Variants in GRAMD2B observed in about 807,000 individuals in gnomAD.
GRAMD2B encodes the protein GRAM domain containing 2B.
In GRAMD2B, 41 loss-of-function variants were observed where a neutral mutation model predicts 59.2. That is an observed-to-expected ratio of 0.69 (90% CI 0.54 to 0.90). GRAMD2B has a LOEUF of 0.90. Among genes scored for constraint, GRAMD2B ranks in the 40% least tolerant of loss-of-function variants. GRAMD2B has a pLI of 0.00. For synonymous variants in GRAMD2B, 161 were observed against 182.7 expected, an observed-to-expected ratio of 0.88 and a Z score of 0.96; for missense variants, 424 against 500.5, an observed-to-expected ratio of 0.85 and a Z score of 1.46.
intron 1 of GRAMD2B, among the ~76,000 whole-genome samples, chr5:126,447,619 G>A (rs1320686524): frequency 2.3e-4 from 35 of 149,784 alleles, no homozygotes; most frequent in East Asian, 7.9e-4. Context: ...AGCCGAGATC[G>A]TGCCACTGCA....
intron 1 of GRAMD2B, among the ~76,000 whole-genome samples, chr5:126,362,231 C>T (rs961597984): frequency 2.6e-5 from 4 of 152,318 alleles, no homozygotes; most frequent in Middle Eastern, 3.4e-3. Context: ...AGCATCATTT[C>T]AGTCACCTCT....
chr5:126,366,134 T>G (rs1754427026), intron 1 of GRAMD2B, among the ~76,000 whole-genome samples: 1 of 152,220 alleles, frequency 6.6e-6, no homozygotes, highest in South Asian at 2.1e-4. Context: ...CTCAAAGGGT[T>G]CACAACTTTG....
intron 6 of GRAMD2B, among the ~76,000 whole-genome samples, chr5:126,479,273 C>T (rs1206213526): frequency 6.6e-6 from 1 of 151,968 alleles, no homozygotes; most frequent in Non-Finnish European, 1.5e-5. Flanking sequence ...TTCCTGGGCT[C>T]AAGTGATCCT....
At chr5:126,400,133 T>G (rs1561480722) in intron 1 of GRAMD2B, among the ~76,000 whole-genome samples, 2 of 152,040 alleles carry the variant, frequency 1.3e-5, no homozygotes, top group African/African-American at 2.4e-5. Flanking sequence ...AGGTTTTTCT[T>G]AGATTTAAAG....
chr5:126,464,631 A>G (rs918415570), intron 1 of GRAMD2B, among the ~76,000 whole-genome samples: 6 of 152,044 alleles, frequency 3.9e-5, no homozygotes, highest in Admixed American at 2.0e-4. Context: ...AGTTTTTCCA[A>G]CGCCTATTGA....
chr5:126,389,538 TTTA>T (rs1554072746), intron 1 of GRAMD2B, among the ~76,000 whole-genome samples: 1 of 152,204 alleles, frequency 6.6e-6, no homozygotes, highest in South Asian at 2.1e-4. Context: ...GAATGGTTTT[TTTA>T]TTATTATTAT....
chr5:126,404,361 T>C (rs1006818720), intron 1 of GRAMD2B, among the ~76,000 whole-genome samples: 2 of 151,806 alleles, frequency 1.3e-5, no homozygotes, highest in African/African-American at 4.8e-5. Context: ...AAGCACATAT[T>C]AGGATTACTT....
Position 126,423,448 on chromosome 5 carries a change from G to C in GRAMD2B, c.-159G>C, listed in dbSNP as rs1759986850. 3 of 1,417,956 alleles carry C rather than the reference G, an allele frequency of 2.1e-6. No individual in the cohort carries two copies. The highest frequency in any genetic ancestry group is 1.8e-6 in the Non-Finnish European group (2 of 1,092,154). 87.8% of individuals were successfully genotyped at this position (1,417,956 alleles called of 1,614,324 possible). ...CGACGTGTCCAGGTCCGCGGCCCCGGGAGCTTGGCGCGGCCCGGCCTGGAT... is the reference window on the plus strand; with the variant it reads ...CGACGTGTCCAGGTCCGCGGCCCCGCGAGCTTGGCGCGGCCCGGCCTGGAT... On this transcript the variant is annotated 5_prime_UTR_variant, in exon 1 of 14. Coordinates refer to ENST00000285689, the MANE Select transcript of GRAMD2B (RefSeq NM_023927.4).
At chr5:126,462,698 A>AT (rs1018829336) in intron 1 of GRAMD2B, among the ~76,000 whole-genome samples, 3 of 152,262 alleles carry the variant, frequency 2.0e-5, no homozygotes, top group Admixed American at 2.0e-4. Flanking sequence ...GATAACTAAG[A>AT]TTTTTGGGAG....
At chr5:126,421,734 A>G (rs1371789150), upstream of GRAMD2B, among the ~76,000 whole-genome samples, 2 of 152,248 alleles carry the variant, frequency 1.3e-5, no homozygotes, top group Non-Finnish European at 2.9e-5. Context: ...GAGAAGGAAT[A>G]AGAAAACTTT....
intron 1 of GRAMD2B, among the ~76,000 whole-genome samples, chr5:126,442,512 A>G (rs1294807259): frequency 6.6e-6 from 1 of 151,938 alleles, no homozygotes; most frequent in Non-Finnish European, 1.5e-5. Flanking sequence ...GGCTAGTCTC[A>G]AACTCCCAAC....
At chr5:126,373,535 T>C (rs573812851) in intron 1 of GRAMD2B, among the ~76,000 whole-genome samples, 22 of 152,340 alleles carry the variant, frequency 1.4e-4, no homozygotes, top group African/African-American at 5.3e-4. Context: ...CCAGGCTATG[T>C]ACAAGGCACA....
upstream of GRAMD2B, among the ~76,000 whole-genome samples, chr5:126,369,183 C>G (rs1754614429): frequency 6.6e-6 from 1 of 152,150 alleles, no homozygotes; most frequent in South Asian, 2.1e-4. Context: ...GAAACTCAAA[C>G]CCCACATTTT....
At chr5:126,448,814 T>G (rs1025129610) in intron 1 of GRAMD2B, among the ~76,000 whole-genome samples, 5 of 152,226 alleles carry the variant, frequency 3.3e-5, no homozygotes, top group African/African-American at 1.2e-4. Context: ...ATTGGAGTTG[T>G]GTGGGCCCTC....
At chr5:126,406,293 C>T (rs1009328431) in intron 1 of GRAMD2B, among the ~76,000 whole-genome samples, 1 of 151,838 alleles carries the variant, frequency 6.6e-6, no homozygotes, top group East Asian at 1.9e-4. Context: ...CAACATGGCA[C>T]ATGTATACAT....
Position 126,399,358 on chromosome 5 carries a change from C to T in GRAMD2B, c.125+27791C>T, listed in dbSNP as rs553549330. ...ATCTTGAATTGTAATCCCCACATGT[C>T]GAGGGAGGCATCTAGTGGGAGGTAA... On this transcript the variant is annotated intron_variant, in intron 1 of 8. Transcript: ENST00000506445. 4.6e-5 allele frequency among the ~76,000 whole-genome samples: 7 copies of T among 152,240 alleles called. 1 individual carries two copies. Among genetic ancestry groups the T allele is most frequent in the Admixed American group, 1.3e-4 (2 of 15,278 alleles).
At chr5:126,441,230 T>G (rs1362613107) in intron 1 of GRAMD2B, among the ~76,000 whole-genome samples, 9 of 152,220 alleles carry the variant, frequency 5.9e-5, no homozygotes, top group African/African-American at 2.2e-4. Flanking sequence ...ATTAAAATAC[T>G]GTTAGCTGGG....
chr5:126,485,842 C>A, intron 11 of GRAMD2B, 69 bp downstream of exon 11: 1 of 926,402 alleles, frequency 1.1e-6, no homozygotes. Flanking sequence ...AATCTCTTCA[C>A]ACTGCCAAGA....
chr5:126,473,931 A>T (rs748386051), intron 5 of GRAMD2B, among the ~76,000 whole-genome samples: 10 of 152,186 alleles, frequency 6.6e-5, no homozygotes, highest in Admixed American at 2.6e-4. Flanking sequence ...GTACTCTGAT[A>T]TTACATCTTT....
Sources: allele counts gnomAD v4.1 joint callset (sites outside exome capture counted in the v4.1 genomes callset), GRCh38; gene constraint gnomAD v4.1.1; transcripts MANE v1.5; gene names NCBI Gene and HGNC (gene_info 2026-07-23, HGNC 2026-07-21).